THSD7A: variants seen among roughly 807,000 people sequenced by gnomAD.
THSD7A encodes the protein thrombospondin type 1 domain containing 7A, also known as thrombospondin type-1 domain-containing protein 7A.
A neutral mutation model predicts 231.3 loss-of-function variants in THSD7A; 96 were observed. The observed-to-expected ratio is 0.41, with a 90% CI of 0.35 to 0.49. The LOEUF is 0.49. Ranked by LOEUF, THSD7A falls within the 20% of genes least tolerant of loss-of-function variation. The pLI is 0.05. For synonymous variants in THSD7A, 940 were observed against 743.3 expected (o/e 1.26, Z -4.30); for missense variants, 2,290 against 2,070.2 (o/e 1.11, Z -2.06).
At chr7:11,819,978 T>C (rs1784820180) in intron 1 of THSD7A, among the ~76,000 whole-genome samples, 1 of 152,148 alleles carries the variant, frequency 6.6e-6, no homozygotes, top group African/African-American at 2.4e-5. Flanking sequence ...CACCAAAAAG[T>C]CTATTAAAAA....
At chr7:11,662,118 A>C (rs998626083) in intron 1 of THSD7A, among the ~76,000 whole-genome samples, 9 of 151,324 alleles carry the variant, frequency 5.9e-5, no homozygotes, top group Admixed American at 2.0e-4. Context: ...TTGAAACCAA[A>C]ACACATGAAT....
intron 13 of THSD7A, among the ~76,000 whole-genome samples, chr7:11,435,842 C>T (rs1405678305): frequency 6.6e-6 from 1 of 151,926 alleles, no homozygotes; most frequent in African/African-American, 2.4e-5. Flanking sequence ...GTAAGGTTGG[C>T]TTGGAGACTC....
At chr7:11,448,056 C>G (rs1224166652) in intron 11 of THSD7A, among the ~76,000 whole-genome samples, 1 of 152,056 alleles carries the variant, frequency 6.6e-6, no homozygotes, top group Non-Finnish European at 1.5e-5. Flanking sequence ...TCAAAGTCCT[C>G]CATCTCCTCT....
At chr7:11,607,053 T>A (rs1045661951) in intron 2 of THSD7A, among the ~76,000 whole-genome samples, 1 of 151,886 alleles carries the variant, frequency 6.6e-6, no homozygotes, top group African/African-American at 2.4e-5. Context: ...GAGAAGCTTT[T>A]CAAGGTAGAT....
At chr7:11,591,927 C>T (rs1780180289) in intron 3 of THSD7A, among the ~76,000 whole-genome samples, 1 of 152,156 alleles carries the variant, frequency 6.6e-6, no homozygotes, top group African/African-American at 2.4e-5. Flanking sequence ...ATTGGTTACA[C>T]ATTCTATGAA....
At chr7:11,584,613 C>T (rs1053529960) in intron 4 of THSD7A, among the ~76,000 whole-genome samples, 1 of 152,032 alleles carries the variant, frequency 6.6e-6, no homozygotes, top group Admixed American at 6.6e-5. Flanking sequence ...ACATGCCAAG[C>T]AGAAATGAAA....
At chr7:11,630,949 C>T (rs1047987832) in intron 2 of THSD7A, among the ~76,000 whole-genome samples, 1 of 152,140 alleles carries the variant, frequency 6.6e-6, no homozygotes, top group African/African-American at 2.4e-5. Context: ...AGATGGCTGC[C>T]TCCTCTCCCT....
chr7:11,595,619 C>T (rs751408683), intron 2 of THSD7A, among the ~76,000 whole-genome samples: 11 of 152,146 alleles, frequency 7.2e-5, no homozygotes, highest in Non-Finnish European at 1.3e-4. Flanking sequence ...TCACTTTATA[C>T]CTACTCATCC....
intron 1 of THSD7A, among the ~76,000 whole-genome samples, chr7:11,761,476 A>T (rs957208476): frequency 6.6e-6 from 1 of 152,080 alleles, no homozygotes; most frequent in African/African-American, 2.4e-5. Flanking sequence ...TCATTTCATT[A>T]TATGTATGTA....
chr7:11,457,977 T>A (rs1785364928), intron 11 of THSD7A, among the ~76,000 whole-genome samples: 1 of 152,080 alleles, frequency 6.6e-6, no homozygotes, highest in Non-Finnish European at 1.5e-5. Context: ...CTAATTTTCC[T>A]AAAAAATATA....
At chr7:11,803,926 T>C (rs1005345244) in intron 1 of THSD7A, among the ~76,000 whole-genome samples, 1 of 152,142 alleles carries the variant, frequency 6.6e-6, no homozygotes, top group Admixed American at 6.6e-5. Flanking sequence ...TTACAATATA[T>C]TAGATTAATT....
chr7:11,507,602 T>TG (rs369872043), intron 6 of THSD7A, among the ~76,000 whole-genome samples: 71 of 51,140 alleles, frequency 1.4e-3, no homozygotes, highest in South Asian at 0.01. Context: ...ATAATGTGTG[T>TG]TTTTTTTTTT....
intron 1 of THSD7A, among the ~76,000 whole-genome samples, chr7:11,742,751 C>T (rs562362313): frequency 3.3e-4 from 50 of 151,992 alleles, no homozygotes; most frequent in Non-Finnish European, 4.4e-5. Flanking sequence ...ACCTTCACAT[C>T]TCTAAATGGG....
chr7:11,489,964 A>T lies in THSD7A; in HGVS notation c.1823-7982T>A, dbSNP rs75786873. ...CCTGGGAGTCTTCACAGTATGATACAATTATTTTCAGGGATTTCATTTTCA... is the reference window on the plus strand; with the variant it reads ...CCTGGGAGTCTTCACAGTATGATACTATTATTTTCAGGGATTTCATTTTCA... On this transcript the variant is annotated intron_variant, in intron 6 of 27. Transcript: ENST00000423059. Among the ~76,000 whole-genome samples, 1,212 of 152,088 alleles carry T rather than the reference A, an allele frequency of 8.0e-3. 6 individuals carry two copies. Among genetic ancestry groups the T allele is most frequent in the African/African-American group, 0.028 (1,146 of 41,492 alleles).
chr7:11,430,228 T>G (rs1337440898), intron 13 of THSD7A, among the ~76,000 whole-genome samples: 1 of 152,178 alleles, frequency 6.6e-6, no homozygotes, highest in Non-Finnish European at 1.5e-5. Flanking sequence ...TAATTCATAT[T>G]CCATAAAAAT....
intron 1 of THSD7A, among the ~76,000 whole-genome samples, chr7:11,830,848 G>C (rs146615417): frequency 6.6e-6 from 1 of 152,134 alleles, no homozygotes; most frequent in Non-Finnish European, 1.5e-5. Context: ...TGTTTGGCAT[G>C]ACCAAGTTAT....
intron 2 of THSD7A, among the ~76,000 whole-genome samples, chr7:11,605,550 C>T (rs80260142): frequency 0.015 from 2,236 of 152,206 alleles, 53 homozygotes; most frequent in African/African-American, 0.051. Context: ...ACAACATTCC[C>T]AGAAGATCCA....
At chr7:11,778,035 T>C (rs1262525825) in intron 1 of THSD7A, among the ~76,000 whole-genome samples, 5 of 146,742 alleles carry the variant, frequency 3.4e-5, no homozygotes, top group Non-Finnish European at 4.5e-5. Context: ...CGGGCGCCTG[T>C]AGTCCCAGCT....
intron 1 of THSD7A, among the ~76,000 whole-genome samples, chr7:11,728,511 C>G (rs886291680): frequency 6.6e-6 from 1 of 151,540 alleles, no homozygotes; most frequent in African/African-American, 2.4e-5. Flanking sequence ...ACTGACAAAG[C>G]TGATTCATTT....
Sources: gnomAD v4.1 joint callset for allele counts (sites outside exome capture counted in the v4.1 genomes callset) on GRCh38, gnomAD v4.1.1 for gene constraint, MANE v1.5 for transcripts, NCBI Gene and HGNC (gene_info 2026-07-23, HGNC 2026-07-21) for gene names.